TCF12: variants seen among roughly 807,000 people sequenced by gnomAD.
TCF12 encodes the protein transcription factor 12.
Under a neutral mutation model 86.0 loss-of-function variants are expected in TCF12, and 45 were observed. The ratio of observed to expected loss-of-function variants is 0.52; its 90% confidence interval spans 0.41 to 0.67. The LOEUF is 0.67. Ranked by LOEUF, TCF12 falls within the 30% of genes least tolerant of loss-of-function variation. The pLI, the probability that TCF12 is intolerant of heterozygous loss-of-function variation, is 0.00. For missense variants in TCF12, 881 were observed against 859.9 expected (o/e 1.02, Z -0.31); for synonymous variants, 330 against 299.6 (o/e 1.10, Z -1.05).
chr15:57,013,035 A>ATT (rs200101750), intron 3 of TCF12, among the ~76,000 whole-genome samples: 1 of 146,514 alleles, frequency 6.8e-6, no homozygotes. Context: ...GATACCGCAG[A>ATT]TTTTTTTTTT....
chr15:57,240,409 A>G (rs2059563219), intron 12 of TCF12, among the ~76,000 whole-genome samples: 2 of 152,206 alleles, frequency 1.3e-5, no homozygotes. Flanking sequence ...GCTAGTTGAC[A>G]GTTTTGCATA....
chr15:57,265,106 AGT>A (rs2060797477), intron 18 of TCF12, among the ~76,000 whole-genome samples: 1 of 150,688 alleles, frequency 6.6e-6, no homozygotes, highest in African/African-American at 2.5e-5. Flanking sequence ...AGTATAGTAT[AGT>A]ATAGTATAGT....
chr15:57,281,934 A>C, intron 19 of TCF12: 1 of 170,672 alleles, frequency 5.9e-6, no homozygotes, highest in Non-Finnish European at 1.3e-5. Flanking sequence ...TTCATGGAAA[A>C]ATTGTCTTCC....
At chr15:57,231,969 A>G (rs1002581109) in intron 9 of TCF12, among the ~76,000 whole-genome samples, 33 of 152,232 alleles carry the variant, frequency 2.2e-4, no homozygotes, top group Non-Finnish European at 1.3e-4. Flanking sequence ...GTATAAGTAT[A>G]CCACTTAACT....
intron 4 of TCF12, among the ~76,000 whole-genome samples, chr15:57,083,803 A>T (rs1309057035): frequency 4.6e-5 from 7 of 152,100 alleles, no homozygotes. Context: ...CTGGTCTTGA[A>T]CACCTGGGCT....
intron 5 of TCF12, among the ~76,000 whole-genome samples, chr15:57,114,983 T>G (rs954893888): frequency 2.6e-5 from 4 of 152,158 alleles, no homozygotes; most frequent in African/African-American, 4.8e-5. Context: ...TTTATTTTGC[T>G]CTCTGTTTAT....
intron 18 of TCF12, among the ~76,000 whole-genome samples, chr15:57,265,114 ATAGTATAGTATAG>A (rs2060799398): frequency 3.4e-5 from 5 of 147,954 alleles, no homozygotes; most frequent in Admixed American, 3.4e-4. Context: ...ATAGTATAGT[ATAGTATAGTATAG>A]TATAGTATAA....
intron 3 of TCF12, among the ~76,000 whole-genome samples, chr15:57,019,967 G>A (rs1192737164): frequency 6.6e-6 from 1 of 152,056 alleles, no homozygotes; most frequent in Non-Finnish European, 1.5e-5. Flanking sequence ...ACTATAAACT[G>A]CATTTCTCCC....
chr15:57,183,671 A>G (rs138594826), intron 6 of TCF12, among the ~76,000 whole-genome samples: 1 of 7,666 alleles, frequency 1.3e-4, no homozygotes, highest in East Asian at 3.4e-3. Context: ...GTAGTGAGTT[A>G]ATGGGGAAAG....
intron 13 of TCF12, among the ~76,000 whole-genome samples, chr15:57,244,104 C>A (rs2059748999): frequency 6.6e-6 from 1 of 152,036 alleles, no homozygotes; most frequent in South Asian, 2.1e-4. Flanking sequence ...GTCTTGAACA[C>A]CTGAGCTCAA....
At chr15:57,197,302 G>A (rs1000527397) in intron 7 of TCF12, among the ~76,000 whole-genome samples, 2 of 151,438 alleles carry the variant, frequency 1.3e-5, no homozygotes, top group Non-Finnish European at 2.9e-5. Context: ...GATTACAGGC[G>A]CCCGCCACCA....
At chr15:57,250,306 A>G (rs551587620) in intron 13 of TCF12, among the ~76,000 whole-genome samples, 10 of 152,194 alleles carry the variant, frequency 6.6e-5, no homozygotes, top group Non-Finnish European at 1.0e-4. Context: ...CAGAAATGCT[A>G]CTTATCCTCA....
chr15:57,070,458 G>A (rs1396273617), intron 4 of TCF12, among the ~76,000 whole-genome samples: 1 of 152,124 alleles, frequency 6.6e-6, no homozygotes, highest in Non-Finnish European at 1.5e-5. Context: ...ATAGATTGGG[G>A]CCTTGGGATA....
intron 4 of TCF12, among the ~76,000 whole-genome samples, chr15:57,071,281 G>A (rs2069357992): frequency 6.6e-6 from 1 of 151,560 alleles, no homozygotes; most frequent in Admixed American, 6.6e-5. Context: ...GTCTGGTGGT[G>A]CGCACCTGTG....
At chr15:56,921,216 G>T (rs1387390559) in intron 3 of TCF12, 118 bp downstream of exon 3, 4 of 577,970 alleles carry the variant, frequency 6.9e-6, no homozygotes, top group Non-Finnish European at 1.0e-5. Flanking sequence ...AGATGGAATT[G>T]AGTCAAGTGA....
chr15:57,200,265 TA>T (rs1308989307), intron 8 of TCF12, among the ~76,000 whole-genome samples: 1 of 152,078 alleles, frequency 6.6e-6, no homozygotes, highest in Admixed American at 6.6e-5. Context: ...GAAAAGATTT[TA>T]AAAGAAAATA....
intron 5 of TCF12, among the ~76,000 whole-genome samples, chr15:57,125,238 C>A (rs1338540907): frequency 6.6e-6 from 1 of 152,158 alleles, no homozygotes; most frequent in Non-Finnish European, 1.5e-5. Flanking sequence ...GATTTGAGGC[C>A]TGAAATGTAA....
intron 3 of TCF12, among the ~76,000 whole-genome samples, chr15:57,039,775 T>C (rs2066773403): frequency 6.6e-6 from 1 of 152,198 alleles, no homozygotes; most frequent in African/African-American, 2.4e-5. Flanking sequence ...TTGTACAGTT[T>C]TGGGTTTCTT....
intron 3 of TCF12, among the ~76,000 whole-genome samples, chr15:56,979,044 G>A (rs1595939685): frequency 6.6e-6 from 1 of 152,180 alleles, no homozygotes; most frequent in African/African-American, 2.4e-5. Flanking sequence ...TATTTAGTCT[G>A]TTAATTCTTT....
Sources: gnomAD v4.1 joint callset for allele counts (sites outside exome capture counted in the v4.1 genomes callset) on GRCh38, gnomAD v4.1.1 for gene constraint, MANE v1.5 for transcripts, NCBI Gene and HGNC (gene_info 2026-07-23, HGNC 2026-07-21) for gene names.